The following EHD4 variants were observed in gnomAD, a reference collection of about 807,000 sequenced individuals.
EHD4 encodes the protein EH domain containing 4, also known as EH domain-containing protein 4.
EHD4 carries 37 observed loss-of-function variants against 51.0 expected under a neutral mutation model. The observed-to-expected ratio is 0.73, with a 90% CI of 0.56 to 0.95. The LOEUF (loss-of-function observed/expected upper bound fraction) is 0.95. EHD4 is among the 40% of genes least tolerant of loss of function. The probability of loss-of-function intolerance (pLI) is 0.00; values close to 1 mark genes in which losing one functional copy is unlikely to be tolerated. For synonymous variants in EHD4, 297 were observed against 317.3 expected, an observed-to-expected ratio of 0.94 and a Z score of 0.68; for missense variants, 632 against 733.1, an observed-to-expected ratio of 0.86 and a Z score of 1.59.
At chr15:41,966,234 C>A (rs1053942742) in intron 1 of EHD4, among the ~76,000 whole-genome samples, 3 of 152,060 alleles carry the variant, frequency 2.0e-5, no homozygotes, top group African/African-American at 7.2e-5. Context: ...CATCTGGCTT[C>A]CTTCACCACC....
intron 3 of EHD4, among the ~76,000 whole-genome samples, chr15:41,934,184 G>A (rs1026848930): frequency 2.0e-5 from 3 of 152,100 alleles, no homozygotes; most frequent in Non-Finnish European, 4.4e-5. Context: ...GGCAGGGTAT[G>A]TAGGAGGGAC....
intron 3 of EHD4, among the ~76,000 whole-genome samples, chr15:41,926,548 C>T (rs1323740650): frequency 1.3e-5 from 2 of 152,204 alleles, no homozygotes; most frequent in African/African-American, 4.8e-5. Flanking sequence ...ACGAGGCAGG[C>T]ACCAAGAGTT....
rs2067459815 is a variant in EHD4, at chr15:41,899,240, G to T, written c.*1405C>A. On this transcript the variant is annotated 3_prime_UTR_variant, in exon 6 of 6. Transcript: ENST00000220325. ...CAATTTTCTGGAGATGAGGCAGGGA[G>T]ATTTGCAAGGAAAAGTCACCTACCT... is the stretch of plus-strand genomic sequence containing the variant. 6.6e-6 allele frequency: 1 copy of T among 152,220 alleles called. No individual in the cohort carries two copies. The highest frequency in any genetic ancestry group is 2.4e-5 in the African/African-American group (1 of 41,450). The allele number at this position is 152,220 out of a possible 1,614,324, so 9.4% of individuals were successfully genotyped here.
Position 41,919,465 on chromosome 15 carries a change from C to T in EHD4, c.669G>A (p.Lys223=), listed in dbSNP as rs16972253. The T allele has an allele frequency of 4.6e-3, 7,306 of 1,571,798 alleles. 322 individuals carry two copies. In the African/African-American group the frequency reaches 0.09, roughly 19 times the overall value. The change falls in exon 4 of 6, where the codon AAG becomes AAA. Residue 223 remains lysine (K), a synonymous_variant. Transcript: ENST00000220325. The part of the protein sequence containing the change: ...QDDKIRVVLN[K]ADQVDTQQLM... ...GCTGCTGCGTGTCCACTTGGTCGGC[C>T]TTGTTCAGCACGACACGGATCTTGT... is the stretch of plus-strand genomic sequence containing the variant.
chr15:41,940,434 GC>G, intron 3 of EHD4, among the ~76,000 whole-genome samples: 1 of 152,224 alleles, frequency 6.6e-6, no homozygotes, highest in Non-Finnish European at 1.5e-5. Context: ...TTGAGCTGAA[GC>G]TGCTTTACAA....
intron 3 of EHD4, among the ~76,000 whole-genome samples, chr15:41,934,328 A>T (rs1274658877): frequency 2.1e-5 from 3 of 142,406 alleles, no homozygotes; most frequent in Non-Finnish European, 4.6e-5. Context: ...TTTTTTTTTC[A>T]AATAAATAAA....
At chr15:41,956,870 A>G (rs1595545011) in intron 1 of EHD4, among the ~76,000 whole-genome samples, 2 of 152,242 alleles carry the variant, frequency 1.3e-5, no homozygotes, top group Non-Finnish European at 1.5e-5. Context: ...TTCACCATCA[A>G]AGAAATACCA....
intron 1 of EHD4, among the ~76,000 whole-genome samples, chr15:41,968,918 C>A (rs1566829091): frequency 6.6e-6 from 1 of 152,138 alleles, no homozygotes; most frequent in Non-Finnish European, 1.5e-5. Context: ...AGAGAAACTC[C>A]ACGCCCACTA....
At chr15:41,920,885 T>C (rs2067620388) in intron 3 of EHD4, among the ~76,000 whole-genome samples, 1 of 152,214 alleles carries the variant, frequency 6.6e-6, no homozygotes, top group Admixed American at 6.5e-5. Flanking sequence ...ATACAGACTA[T>C]AGCACAAATA....
chr15:41,901,179 T>C lies in EHD4; in HGVS notation c.1092A>G (p.Glu364=), dbSNP rs778925391. 2 of 1,541,610 alleles carry C rather than the reference T, an allele frequency of 1.3e-6. No homozygotes were observed. The highest frequency in any genetic ancestry group is 2.5e-5 in the South Asian group (2 of 78,844). Reference sequence around the variant, plus strand: ...TGGTGAAGTCATAGTTCTCAAGCTGTTCCTGCAGAAGGACAAACCACAGGA... The same window carrying C: ...TGGTGAAGTCATAGTTCTCAAGCTGCTCCTGCAGAAGGACAAACCACAGGA... ...GDFPEVKAMQ[E]QLENYDFTKF... The change falls in exon 6 of 6, where the codon GAA becomes GAG. Residue 364 remains glutamate, a splice_region_variant and synonymous_variant. Transcript: ENST00000220325.
At chr15:41,962,461 T>A (rs2067930394) in intron 1 of EHD4, among the ~76,000 whole-genome samples, 1 of 150,550 alleles carries the variant, frequency 6.6e-6, no homozygotes, top group Non-Finnish European at 1.5e-5. Flanking sequence ...ATATAGTATT[T>A]AATAACTTAG....
chr15:41,951,734 C>T (rs2067853722), intron 2 of EHD4, among the ~76,000 whole-genome samples: 1 of 152,196 alleles, frequency 6.6e-6, no homozygotes, highest in Non-Finnish European at 1.5e-5. Flanking sequence ...TTCTGGTCTA[C>T]TTCCCCTCCA....
intron 3 of EHD4, among the ~76,000 whole-genome samples, chr15:41,920,797 C>T (rs1355069684): frequency 2.0e-5 from 3 of 152,174 alleles, no homozygotes; most frequent in African/African-American, 7.2e-5. Flanking sequence ...AGAGTAAAAG[C>T]TTAGTTTCAA....
At chr15:41,915,085 GAC>G (rs10552371) in intron 4 of EHD4, among the ~76,000 whole-genome samples, 37,608 of 149,006 alleles carry the variant, frequency 0.25, 4,747 homozygotes, top group Non-Finnish European at 0.28. Flanking sequence ...CAGTCTTGGA[GAC>G]ACACACACAC....
At chr15:41,927,932 G>C (rs185420783) in intron 3 of EHD4, among the ~76,000 whole-genome samples, 1 of 152,300 alleles carries the variant, frequency 6.6e-6, no homozygotes, top group Non-Finnish European at 1.5e-5. Flanking sequence ...TAGCAATCTG[G>C]CAAGTTTAGT....
At chr15:41,914,825 G>A (rs546706447) in intron 4 of EHD4, among the ~76,000 whole-genome samples, 2 of 143,564 alleles carry the variant, frequency 1.4e-5, no homozygotes, top group Non-Finnish European at 3.0e-5. Context: ...TTGCTTTGTC[G>A]CCCAGGCTGG....
intron 5 of EHD4, among the ~76,000 whole-genome samples, chr15:41,907,213 G>A (rs560766310): frequency 6.6e-6 from 1 of 152,332 alleles, no homozygotes; most frequent in East Asian, 1.9e-4. Context: ...AGCCAGCGAG[G>A]CACAGAGGCC....
intron 3 of EHD4, among the ~76,000 whole-genome samples, chr15:41,936,714 C>T (rs1289321444): frequency 6.6e-6 from 1 of 152,178 alleles, no homozygotes; most frequent in Non-Finnish European, 1.5e-5. Context: ...AACAAAAACT[C>T]AAACTAGCTG....
Position 41,919,308 on chromosome 15 carries a change from C to T in EHD4, c.826G>A (p.Ala276Thr), listed in dbSNP as rs760724939. The change falls in exon 4 of 6, where the codon GCT becomes ACT. Residue 276 changes from alanine (A) to threonine (T), a missense_variant. By Grantham distance (58) the Ala-to-Thr change is moderately conservative (BLOSUM62 0). Transcript: ENST00000220325. ...QNTDNRRLFE[A>T]EAQDLFRDIQ... The stretch of plus-strand genomic sequence containing the variant: ...TCTCTAAAGAGGTCCTGGGCCTCAG[C>T]CTCGAAGAGCCGGCGGTTGTCCGTG... 6 of 1,614,096 alleles carry T rather than the reference C, an allele frequency of 3.7e-6. No individual in the cohort carries two copies. The highest frequency in any genetic ancestry group is 3.3e-4 in the Middle Eastern group (2 of 6,082).
Sources: gnomAD v4.1 joint callset for allele counts (sites outside exome capture counted in the v4.1 genomes callset) on GRCh38, gnomAD v4.1.1 for gene constraint, MANE v1.5 for transcripts, NCBI Gene and HGNC (gene_info 2026-07-23, HGNC 2026-07-21) for gene names.